TNRC18: variants seen among roughly 807,000 people sequenced by gnomAD.
The protein encoded by TNRC18 is trinucleotide repeat-containing gene 18 protein.
In TNRC18, 69 loss-of-function variants were observed where a neutral mutation model predicts 226.7. The observed-to-expected ratio is 0.30, with a 90% CI of 0.25 to 0.37. TNRC18 has a LOEUF of 0.37. Among genes scored for constraint, TNRC18 ranks in the 10% least tolerant of loss-of-function variants. TNRC18 has a pLI of 1.00. For missense variants in TNRC18, 4,754 were observed against 4,256.6 expected (o/e 1.12, Z -3.25); for synonymous variants, 2,449 against 1,927.6 (o/e 1.27, Z -7.09).
At position 5,388,751 on chromosome 7, in the gene TNRC18, G is replaced by A; in HGVS notation, c.1073C>T (p.Thr358Ile). The A allele has an allele frequency of 8.0e-7, 1 of 1,244,386 alleles. No homozygotes were observed. The highest frequency in any genetic ancestry group is 1.0e-6 in the Non-Finnish European group (1 of 992,202). 77.1% of individuals were successfully genotyped at this position (1,244,386 alleles called of 1,614,324 possible). A position where few individuals can be genotyped will look rare whatever the true frequency, so the allele number is the denominator to read the frequency against. The change falls in exon 5 of 30, where the codon ACC becomes ATC. Residue 358 changes from threonine (T) to isoleucine (I), a missense_variant. Thr to Ile is a moderately conservative substitution (Grantham distance 89). Transcript: ENST00000430969. Reference protein sequence around the residue: ...PPAATPAGVYTVFREQGREHR... With the variant: ...PPAATPAGVYIVFREQGREHR... ...CTCACGGCCCTGCTCGCGGAAGACGGTGTAGACGCCGGCGGGGGTGGCCGC... is the reference window on the plus strand; with the variant it reads ...CTCACGGCCCTGCTCGCGGAAGACGATGTAGACGCCGGCGGGGGTGGCCGC...
At chr7:5,383,034 T>C (rs577276356) in intron 5 of TNRC18, among the ~76,000 whole-genome samples, 6 of 152,252 alleles carry the variant, frequency 3.9e-5, no homozygotes, top group Non-Finnish European at 7.4e-5. Context: ...GCTGGGACTA[T>C]AGATGCCACA....
At chr7:5,311,652 A>G (rs1211121842) in intron 27 of TNRC18, among the ~76,000 whole-genome samples, 2 of 152,028 alleles carry the variant, frequency 1.3e-5, no homozygotes, top group Non-Finnish European at 2.9e-5. Flanking sequence ...TGTCTCTACA[A>G]AAATATTTAA....
rs577991475 is a variant in TNRC18, at chr7:5,312,808, C to A, written c.8083G>T (p.Ala2695Ser). ...AAPAPTAGPS[A>S]QAALPTKATK... ...GCCTTGGTGGGGAGCGCCGCCTGCG[C>A]GGAAGGGCCAGCCGTGGGGGCGGGG... Residue 2695 changes from alanine to serine, a missense_variant, in exon 27 of 30, where the codon GCG becomes TCG. By Grantham distance (99) the Ala-to-Ser change is moderately conservative (BLOSUM62 1). Transcript: ENST00000430969. This position sits in a 1 kb window ranked among gnomAD's most constrained non-coding sequence, Gnocchi z 6.3. 796 of 1,534,336 alleles carry A rather than the reference C, an allele frequency of 5.2e-4. 5 individuals carry two copies. The African/African-American group carries it at 9.5e-3, about 18-fold the overall frequency.
chr7:5,365,027 G>C (rs918138077), intron 11 of TNRC18, among the ~76,000 whole-genome samples: 2 of 82,416 alleles, frequency 2.4e-5, no homozygotes, highest in African/African-American at 8.2e-5. Context: ...AATCATGTGG[G>C]GGGGCGGGGG....
At chr7:5,376,811 T>C (rs1408808210) in intron 8 of TNRC18, 36 bp downstream of exon 8, 4 of 1,599,034 alleles carry the variant, frequency 2.5e-6, no homozygotes, top group Non-Finnish European at 3.4e-6. Context: ...GCATGGCCAG[T>C]CTGGCCCATG....
intron 2 of TNRC18, among the ~76,000 whole-genome samples, chr7:5,411,332 G>T (rs1431670729): frequency 2.0e-5 from 3 of 151,712 alleles, no homozygotes; most frequent in Non-Finnish European, 2.9e-5. Context: ...GTCGAATATG[G>T]AAGGTGATGT....
In TNRC18 at chr7:5,351,801, G is replaced by C. The variant is rs367830027; in HGVS notation, c.5470+18C>G. The C allele has an allele frequency of 2.6e-6, 4 of 1,560,674 alleles. No individual in the cohort carries two copies. Among genetic ancestry groups the C allele is most frequent in the Non-Finnish European group, 2.6e-6 (3 of 1,154,924 alleles). Reference sequence around the variant, plus strand: ...CGCTAGGAAACACGGAAGGTATTTTGTGTTTGGAGCTAGTAACCTTGGTCA... The same window carrying C: ...CGCTAGGAAACACGGAAGGTATTTTCTGTTTGGAGCTAGTAACCTTGGTCA... On this transcript the variant is annotated intron_variant, in intron 17 of 29. Transcript: ENST00000430969.
chr7:5,350,684 C>T (rs137920375), intron 17 of TNRC18, among the ~76,000 whole-genome samples: 2 of 152,300 alleles, frequency 1.3e-5, no homozygotes, highest in Non-Finnish European at 2.9e-5. Context: ...TTGAAGGGCC[C>T]AAAAGGCTCA....
intron 2 of TNRC18, among the ~76,000 whole-genome samples, chr7:5,398,392 A>T (rs973032554): frequency 2.0e-5 from 3 of 151,914 alleles, no homozygotes; most frequent in African/African-American, 7.3e-5. Context: ...CTGGTCTCGA[A>T]CTCCCAACCT....
chr7:5,370,012 TA>T (rs200047842), intron 11 of TNRC18, among the ~76,000 whole-genome samples: 6 of 152,040 alleles, frequency 3.9e-5, no homozygotes, highest in Non-Finnish European at 7.4e-5. Flanking sequence ...AAAAATCTTA[TA>T]AAAAAATGTT....
intron 25 of TNRC18, among the ~76,000 whole-genome samples, chr7:5,315,423 T>G (rs4724547): frequency 0.026 from 462 of 17,746 alleles, 7 homozygotes; most frequent in East Asian, 0.17. Flanking sequence ...TGGGTTTTTT[T>G]TTTTTTTTTT....
chr7:5,337,195 C>G (rs1790203479), intron 18 of TNRC18, among the ~76,000 whole-genome samples: 2 of 151,700 alleles, frequency 1.3e-5, no homozygotes, highest in South Asian at 4.2e-4. Context: ...CATCAGAAAC[C>G]AGAGGCCAGA....
At chr7:5,351,492 G>GA (rs1791808052) in intron 17 of TNRC18, among the ~76,000 whole-genome samples, 1 of 64,224 alleles carries the variant, frequency 1.6e-5, no homozygotes, top group African/African-American at 5.6e-5. Flanking sequence ...GGGGTGGGGG[G>GA]AACTCGGGGG....
intron 11 of TNRC18, among the ~76,000 whole-genome samples, chr7:5,363,922 C>A (rs558700845): frequency 6.6e-6 from 1 of 152,210 alleles, no homozygotes; most frequent in South Asian, 2.1e-4. Flanking sequence ...CGGGAGGCTA[C>A]TGTGGGTGCA....
At chr7:5,386,606 C>T (rs543196469) in intron 5 of TNRC18, among the ~76,000 whole-genome samples, 11 of 151,240 alleles carry the variant, frequency 7.3e-5, no homozygotes, top group Non-Finnish European at 1.3e-4. Flanking sequence ...AAAAATTAGT[C>T]GGGCGTGGTG....
chr7:5,418,975 C>T (rs1317135817), intron 2 of TNRC18, among the ~76,000 whole-genome samples: 1 of 152,254 alleles, frequency 6.6e-6, no homozygotes, highest in Non-Finnish European at 1.5e-5. Context: ...CCACCTTTCC[C>T]TCCCGGGTGA....
intron 18 of TNRC18, among the ~76,000 whole-genome samples, chr7:5,333,646 T>C (rs745399669): frequency 8.0e-5 from 12 of 150,780 alleles, no homozygotes; most frequent in Non-Finnish European, 1.5e-4. Flanking sequence ...GCTGCTTGAA[T>C]GCACAGCCTC....
chr7:5,413,125 C>A (rs4628168), intron 2 of TNRC18, among the ~76,000 whole-genome samples: 1 of 151,842 alleles, frequency 6.6e-6, no homozygotes, highest in East Asian at 1.9e-4. Context: ...CAGCCCATCC[C>A]GTAAAAAGCT....
rs1320306844 is a variant in TNRC18, at chr7:5,389,066, C to G, written c.758G>C (p.Arg253Pro). 3.1e-6 allele frequency: 4 copies of G among 1,280,322 alleles called. No individual in the cohort carries two copies. The highest frequency in any genetic ancestry group is 4.5e-5 in the Admixed American group (1 of 22,294). 79.3% of individuals were successfully genotyped at this position (1,280,322 alleles called of 1,614,324 possible). A position where few individuals can be genotyped will look rare whatever the true frequency, so the allele number is the denominator to read the frequency against. Residue 253 changes from arginine to proline, a missense_variant, in exon 5 of 30, where the codon CGG (arginine) becomes CCG (proline). Coordinates refer to ENST00000430969, the MANE Select transcript of TNRC18 (RefSeq NM_001080495.3). Reference sequence around the variant, plus strand: ...GCGCTCAGCCAGGCGCGGGGGCCCCCGGTCCTGGCGGCCCTCGGCGCGCGC... The same window carrying G: ...GCGCTCAGCCAGGCGCGGGGGCCCCGGGTCCTGGCGGCCCTCGGCGCGCGC... ...QEARAEGRQD[R>P]GPPRLAERLS...
Sources: allele counts gnomAD v4.1 joint callset (sites outside exome capture counted in the v4.1 genomes callset), GRCh38; gene constraint gnomAD v4.1.1; non-coding constraint Gnocchi (gnomAD v3.1); transcripts MANE v1.5; gene names NCBI Gene and HGNC (gene_info 2026-07-23, HGNC 2026-07-21).